Variants in UNC80 observed in about 807,000 individuals in gnomAD.
UNC80 encodes protein unc-80 homolog.
UNC80 carries 164 observed loss-of-function variants against 384.6 expected under a neutral mutation model. The observed-to-expected ratio is 0.43, with a 90% CI of 0.38 to 0.49. The LOEUF is 0.49. UNC80 is among the 20% of genes least tolerant of loss of function. The pLI, the probability that UNC80 is intolerant of heterozygous loss-of-function variation, is 0.00. For missense variants in UNC80, 3,330 were observed against 4,143.0 expected (o/e 0.80, Z 5.39); for synonymous variants, 1,486 against 1,527.8 (o/e 0.97, Z 0.64).
chr2:209,962,993 T>C (rs1160312827), intron 51 of UNC80, among the ~76,000 whole-genome samples: 1 of 152,240 alleles, frequency 6.6e-6, no homozygotes, highest in East Asian at 1.9e-4. Context: ...AAAATGCAAA[T>C]GTTTGCCAAA....
chr2:209,808,605 C>T (rs1180695823), intron 7 of UNC80, among the ~76,000 whole-genome samples: 2 of 151,850 alleles, frequency 1.3e-5, no homozygotes, highest in Non-Finnish European at 2.9e-5. Context: ...TTGCTCAGAG[C>T]GTGGCCTTAG....
chr2:209,982,725 T>C (rs990752336), intron 60 of UNC80: 7 of 152,590 alleles, frequency 4.6e-5, no homozygotes, highest in African/African-American at 1.7e-4. Context: ...GTAGTGACAC[T>C]TAACCAAGCA....
intron 19 of UNC80, 78 bp from the exon 20 acceptor site, chr2:209,840,464 G>A: frequency 8.2e-7 from 1 of 1,214,212 alleles, no homozygotes; most frequent in Non-Finnish European, 1.2e-6. Flanking sequence ...ATCGCTTGTT[G>A]GGCTTATGTT....
intron 36 of UNC80, among the ~76,000 whole-genome samples, chr2:209,927,293 T>C (rs1270045459): frequency 6.6e-6 from 1 of 152,108 alleles, no homozygotes; most frequent in African/African-American, 2.4e-5. Context: ...ACCTTAGAAA[T>C]CTTAGCTATT....
In UNC80 at chr2:209,834,016, C is replaced by T; in HGVS notation, c.2790C>T (p.Asp930=). 6.4e-7 allele frequency: 1 copy of T among 1,551,684 alleles called. No individual in the cohort carries two copies. The highest frequency in any genetic ancestry group is 8.7e-7 in the Non-Finnish European group (1 of 1,146,940). ...HSPENLGLYC[D]IRQLVQFIKE... Reference sequence around the variant, plus strand: ...CCTCCAAACAGGGACTGTATTGTGACATTCGTCAGCTGGTCCAGTTTATCA... The same window carrying T: ...CCTCCAAACAGGGACTGTATTGTGATATTCGTCAGCTGGTCCAGTTTATCA... Residue 930 remains aspartate (D), a synonymous_variant, in exon 17 of 65, where the codon GAC becomes GAT. Coordinates refer to ENST00000673920, the MANE Select transcript of UNC80 (RefSeq NM_001371986.1).
At chr2:209,987,242 T>C (rs1336190111) in intron 61 of UNC80, among the ~76,000 whole-genome samples, 2 of 152,180 alleles carry the variant, frequency 1.3e-5, no homozygotes, top group Non-Finnish European at 2.9e-5. Context: ...GAGACCAAGA[T>C]AACCTGATGA....
At position 209,936,920 on chromosome 2, in the gene UNC80, T is replaced by C. The variant is rs750862679; in HGVS notation, c.6350T>C (p.Ile2117Thr). ...YFLMDKRWNL[I>T]HYNKTYVRDI... is the part of the protein sequence containing the mutation. ...CTTATGGATAAACGATGGAACCTTA[T>C]CCACTACAATAAGGTGAGACACCAG... Residue 2117 changes from isoleucine (I) to threonine (T), a missense_variant, in exon 41 of 65, where the codon ATC becomes ACC. Physicochemically the swap from Ile to Thr is moderately conservative, Grantham distance 89. Coordinates refer to ENST00000673920, the MANE Select transcript of UNC80 (RefSeq NM_001371986.1). The C allele has an allele frequency of 3.0e-5, 46 of 1,548,888 alleles. No homozygotes were observed. Among genetic ancestry groups the C allele is most frequent in the Non-Finnish European group, 4.0e-5 (46 of 1,144,480 alleles).
At position 209,815,323 on chromosome 2, in the gene UNC80, C is replaced by G. The variant is rs1450841681; in HGVS notation, c.1267C>G (p.Leu423Val). ...CTCTGAGGCCTTTTCCAAGGTTTCA[C>G]TGACCAATCTGCGTAGATCTGCAGT... Reference protein sequence around the residue: ...LSSEAFSKVSLTNLRRSAVPD... With the variant: ...LSSEAFSKVSVTNLRRSAVPD... Residue 423 changes from leucine (L) to valine (V), a missense_variant, in exon 9 of 65, where the codon CTG (leucine) becomes GTG (valine). Leu to Val is a conservative substitution (Grantham distance 32, BLOSUM62 1). Coordinates refer to ENST00000673920, the MANE Select transcript of UNC80 (RefSeq NM_001371986.1). The G allele has an allele frequency of 1.9e-6, 3 of 1,551,584 alleles. No homozygotes were observed. Among genetic ancestry groups the G allele is most frequent in the Non-Finnish European group, 2.6e-6 (3 of 1,146,982 alleles).
chr2:209,852,338 G>A (rs1442086765), intron 22 of UNC80, among the ~76,000 whole-genome samples: 2 of 152,086 alleles, frequency 1.3e-5, no homozygotes, highest in African/African-American at 4.8e-5. Context: ...GGCAAAAAGA[G>A]AGAGAATCTG....
intron 36 of UNC80, among the ~76,000 whole-genome samples, chr2:209,929,119 AT>A (rs1291413210): frequency 6.6e-6 from 1 of 152,210 alleles, no homozygotes; most frequent in East Asian, 1.9e-4. Flanking sequence ...CTGAATCAAA[AT>A]TTGGTATCAT....
chr2:209,912,703 T>G, intron 30 of UNC80, 36 bp downstream of exon 30: 10 of 1,440,370 alleles, frequency 6.9e-6, no homozygotes, highest in Non-Finnish European at 9.5e-6. Context: ...TCATGGAACT[T>G]TTAACAGGGA....
chr2:209,829,988 A>G (rs2080835943), intron 15 of UNC80, among the ~76,000 whole-genome samples: 1 of 152,254 alleles, frequency 6.6e-6, no homozygotes, highest in African/African-American at 2.4e-5. Context: ...GGGGAGACCA[A>G]TAAGTGTTAA....
chr2:209,819,503 G>A (rs999873098), intron 12 of UNC80, among the ~76,000 whole-genome samples: 17 of 150,502 alleles, frequency 1.1e-4, no homozygotes, highest in Non-Finnish European at 2.4e-4. Context: ...AAAACCATTA[G>A]TGAATCCTGA....
chr2:209,819,464 G>C (rs1038806072), intron 12 of UNC80, among the ~76,000 whole-genome samples: 1 of 151,254 alleles, frequency 6.6e-6, no homozygotes, highest in Admixed American at 6.6e-5. Flanking sequence ...CATTAGATTT[G>C]ATCTGATCTC....
At chr2:209,901,952 G>T (rs1275615416) in intron 28 of UNC80, among the ~76,000 whole-genome samples, 1 of 151,660 alleles carries the variant, frequency 6.6e-6, no homozygotes, top group Non-Finnish European at 1.5e-5. Context: ...AGTACATTTT[G>T]CAGGGGTATA....
chr2:209,797,472 C>G (rs4423541), intron 7 of UNC80, among the ~76,000 whole-genome samples: 81,397 of 151,984 alleles, frequency 0.54, 22,699 homozygotes, highest in Admixed American at 0.61. Flanking sequence ...TGGCTTCCAG[C>G]TTCATCCATG....
chr2:209,972,426 A>G, intron 55 of UNC80, 102 bp downstream of exon 55: 1 of 1,450,160 alleles, frequency 6.9e-7, no homozygotes, highest in Non-Finnish European at 9.2e-7. Flanking sequence ...CTATCACTGA[A>G]GTCAGTCTGA....
intron 22 of UNC80, among the ~76,000 whole-genome samples, chr2:209,852,318 C>G (rs1468572041): frequency 1.3e-5 from 2 of 151,926 alleles, no homozygotes; most frequent in Non-Finnish European, 2.9e-5. Flanking sequence ...CTCAGTAGTT[C>G]CCATTATGAG....
Position 209,825,964 on chromosome 2 carries a change from G to T in UNC80, c.2389G>T (p.Val797Leu). The T allele has an allele frequency of 6.4e-7, 1 of 1,550,996 alleles. No individual in the cohort carries two copies. Among genetic ancestry groups the T allele is most frequent in the Non-Finnish European group, 8.7e-7 (1 of 1,146,536 alleles). ...TGCTCTAACAATGCTCATCAAAATA[G>T]TGAAGTCTTTGGGATGTGCCTATGG... is the stretch of plus-strand genomic sequence containing the variant. ...RLALTMLIKI[V>L]KSLGCAYGCG... The change falls in exon 14 of 65, where the codon GTG (valine) becomes TTG (leucine). Residue 797 changes from valine (V) to leucine (L), a missense_variant. Val to Leu is a conservative substitution (Grantham distance 32, BLOSUM62 1). This residue lies in a region of UNC80 where 937 missense variants were observed against 1,026.8 expected (regional missense o/e 0.91). Transcript: ENST00000673920.
Sources: allele counts gnomAD v4.1 joint callset (sites outside exome capture counted in the v4.1 genomes callset), GRCh38; gene constraint gnomAD v4.1.1; regional missense constraint gnomAD v4.1.1; transcripts MANE v1.5; gene names NCBI Gene and HGNC (gene_info 2026-07-23, HGNC 2026-07-21).